The following NBEA variants were observed in gnomAD, a reference collection of about 807,000 sequenced individuals.
NBEA encodes lysosomal-trafficking regulator 2.
A neutral mutation model predicts 343.4 loss-of-function variants in NBEA; 44 were observed. The ratio of observed to expected loss-of-function variants is 0.13; its 90% CI spans 0.10 to 0.16. The LOEUF (loss-of-function observed/expected upper bound fraction) is 0.16. NBEA is among the 10% of genes least tolerant of loss of function. The probability of loss-of-function intolerance (pLI) is 1.00; values close to 1 mark genes in which losing one functional copy is unlikely to be tolerated. For missense variants in NBEA, 2,555 were observed against 3,631.3 expected, an observed-to-expected ratio of 0.70 and a Z score of 7.62; for synonymous variants, 1,175 against 1,238.7, an observed-to-expected ratio of 0.95 and a Z score of 1.08.
chr13:34,968,500 T>C lies in NBEA; in HGVS notation c.294+25386T>C, dbSNP rs1305223317. 2.0e-5 allele frequency among the ~76,000 whole-genome samples: 3 copies of C among 152,168 alleles called. No individual in the cohort carries two copies. In the East Asian group the frequency reaches 5.8e-4, roughly 29 times the overall value. On this transcript the variant is annotated intron_variant, in intron 1 of 58. Transcript: ENST00000379939. ...CAGGACATTCTAAAGATTTTTGAAG[T>C]TCTGTGCCAAGAATTGGGGGCAAAG...
intron 48 of NBEA, among the ~76,000 whole-genome samples, chr13:35,626,427 A>G (rs2083233859): frequency 6.6e-6 from 1 of 152,190 alleles, no homozygotes; most frequent in African/African-American, 2.4e-5. Context: ...TCTAATAGAG[A>G]TAATAGTAAA....
At position 35,058,611 on chromosome 13, in the gene NBEA, T is replaced by C. The variant is rs1216583257; in HGVS notation, c.1093-106T>C. On this transcript the variant is annotated intron_variant, in intron 7 of 58. Coordinates refer to ENST00000379939, the MANE Select transcript of NBEA (RefSeq NM_001385012.1). ...TCTTAATTGATGCTTTCTTCTATTA[T>C]TATTGTTATATTTTAAAATATTCAT... 8 of 871,084 alleles carry C rather than the reference T, an allele frequency of 9.2e-6. No individual in the cohort carries two copies. The East Asian group carries it at 2.2e-4, about 24-fold the overall frequency. The allele number at this position is 871,084 out of a possible 1,614,324, so 54.0% of individuals were successfully genotyped here. A position where few individuals can be genotyped will look rare whatever the true frequency, so the allele number is the denominator to read the frequency against.
intron 40 of NBEA, among the ~76,000 whole-genome samples, chr13:35,454,937 T>C (rs2046490757): frequency 6.6e-6 from 1 of 152,004 alleles, no homozygotes; most frequent in Non-Finnish European, 1.5e-5. Context: ...AATATTAATA[T>C]AATCTTATAT....
In NBEA at chr13:35,306,798, T is replaced by C. The variant is rs2036921138; in HGVS notation, c.5839-2730T>C. ...TCTGTTCTTAAATTTTGATAGATCT[T>C]TTTCTGTCCCTTTCTATTGCCTCTT... On this transcript the variant is annotated intron_variant, in intron 35 of 58. Coordinates refer to ENST00000379939, the MANE Select transcript of NBEA (RefSeq NM_001385012.1). 2.0e-5 allele frequency among the ~76,000 whole-genome samples: 3 copies of C among 152,106 alleles called. No individual in the cohort carries two copies. The South Asian group carries it at 6.2e-4, about 31-fold the overall frequency.
At chr13:35,143,578 A>G (rs190457721) in intron 18 of NBEA, among the ~76,000 whole-genome samples, 2 of 152,356 alleles carry the variant, frequency 1.3e-5, no homozygotes, top group Admixed American at 6.5e-5. Flanking sequence ...CTAAATATCC[A>G]TAATATTATT....
chr13:35,199,389 C>T (rs1854825814), intron 31 of NBEA, among the ~76,000 whole-genome samples: 1 of 152,116 alleles, frequency 6.6e-6, no homozygotes. Context: ...GTTTCAAACA[C>T]AGAATCTATC....
intron 38 of NBEA, among the ~76,000 whole-genome samples, chr13:35,429,651 G>A (rs1372595069): frequency 6.6e-6 from 1 of 152,028 alleles, no homozygotes; most frequent in Non-Finnish European, 1.5e-5. Context: ...GGTTTCTGGG[G>A]AACAGGCAGT....
chr13:35,076,839 G>C (rs2064142264), intron 10 of NBEA, among the ~76,000 whole-genome samples: 1 of 151,910 alleles, frequency 6.6e-6, no homozygotes, highest in East Asian at 1.9e-4. Context: ...TCATGCCATA[G>C]ATTTCATTTC....
chr13:35,381,638 A>G (rs2042017907), intron 38 of NBEA, among the ~76,000 whole-genome samples: 2 of 152,072 alleles, frequency 1.3e-5, no homozygotes, highest in Admixed American at 1.3e-4. Context: ...TAGAGTCCAA[A>G]TTCAATCAAG....
chr13:35,593,689 C>A (rs1327274992), intron 47 of NBEA, among the ~76,000 whole-genome samples: 1 of 151,920 alleles, frequency 6.6e-6, no homozygotes, highest in African/African-American at 2.4e-5. Flanking sequence ...TAATTTAGAT[C>A]AAATAATCAG....
intron 1 of NBEA, among the ~76,000 whole-genome samples, chr13:35,018,517 T>C (rs936167990): frequency 1.3e-5 from 2 of 152,162 alleles, no homozygotes; most frequent in African/African-American, 4.8e-5. Flanking sequence ...ATATTCTTTT[T>C]AGTTTTAATT....
intron 1 of NBEA, among the ~76,000 whole-genome samples, chr13:34,965,108 G>C (rs911905211): frequency 3.9e-5 from 6 of 152,002 alleles, no homozygotes; most frequent in African/African-American, 7.2e-5. Flanking sequence ...GAACTATAAA[G>C]ACCTTTTGGT....
chr13:35,142,675 G>A (rs1218278830), intron 18 of NBEA, among the ~76,000 whole-genome samples: 1 of 152,056 alleles, frequency 6.6e-6, no homozygotes, highest in African/African-American at 2.4e-5. Context: ...TGTAGTATTA[G>A]TTCTGCTTCC....
chr13:34,978,399 C>T (rs943680880), intron 1 of NBEA, among the ~76,000 whole-genome samples: 3 of 152,142 alleles, frequency 2.0e-5, no homozygotes, highest in African/African-American at 4.8e-5. Flanking sequence ...ATGCATCCAT[C>T]GATCTGTCTA....
intron 34 of NBEA, among the ~76,000 whole-genome samples, chr13:35,234,285 G>C (rs1215003562): frequency 2.0e-5 from 3 of 152,176 alleles, no homozygotes; most frequent in African/African-American, 4.8e-5. Flanking sequence ...ATTGGATTCT[G>C]AGAAGAACCA....
intron 1 of NBEA, among the ~76,000 whole-genome samples, chr13:34,957,056 T>C (rs773477889): frequency 6.0e-4 from 91 of 151,916 alleles, no homozygotes; most frequent in Admixed American, 6.6e-4. Flanking sequence ...CACACACACA[T>C]ATATACATAC....
At chr13:35,208,616 T>C in intron 31 of NBEA, 84 bp from the exon 32 acceptor site, 6 of 1,198,320 alleles carry the variant, frequency 5.0e-6, no homozygotes, top group Non-Finnish European at 5.6e-6. Context: ...AAATTCGATG[T>C]TGACTATGTA....
rs115294614 is a variant in NBEA, at chr13:35,183,510, T to C, written c.4832-466T>C. ...GATATGGATTATGTTTTAGCTACAG[T>C]ATTTTGCTGTTGCATGATACATGTA... On this transcript the variant is annotated intron_variant, in intron 29 of 58. Coordinates refer to ENST00000379939, the MANE Select transcript of NBEA (RefSeq NM_001385012.1). Among the ~76,000 whole-genome samples, 1,274 of 152,166 alleles carry C rather than the reference T, an allele frequency of 8.4e-3. 21 individuals are homozygous for C. The highest frequency in any genetic ancestry group is 0.029 in the African/African-American group (1,196 of 41,554).
intron 48 of NBEA, among the ~76,000 whole-genome samples, chr13:35,617,026 T>A (rs149557141): frequency 3.2e-4 from 49 of 152,332 alleles, no homozygotes; most frequent in Non-Finnish European, 5.7e-4. Flanking sequence ...CCTCAAATAT[T>A]TACTCTCGCA....
Sources: gnomAD v4.1 joint callset for allele counts (sites outside exome capture counted in the v4.1 genomes callset) on GRCh38, gnomAD v4.1.1 for gene constraint, MANE v1.5 for transcripts, NCBI Gene and HGNC (gene_info 2026-07-23, HGNC 2026-07-21) for gene names.